Variants in CSMD1 observed in about 807,000 individuals in gnomAD.
The protein encoded by CSMD1 is CUB and sushi domain-containing protein 1.
In CSMD1, 213 loss-of-function variants were observed where a neutral mutation model predicts 417.5. That is an observed-to-expected ratio of 0.51 (90% CI 0.46 to 0.57). The LOEUF (loss-of-function observed/expected upper bound fraction) is 0.57, where lower values mean the gene tolerates loss of function less well. Among genes scored for constraint, CSMD1 ranks in the 20% least tolerant of loss-of-function variants. The probability of loss-of-function intolerance (pLI) is 0.00; values close to 1 mark genes in which losing one functional copy is unlikely to be tolerated. For synonymous variants in CSMD1, 2,862 were observed against 1,736.8 expected (o/e 1.65, Z -16.11); for missense variants, 6,923 against 4,529.7 (o/e 1.53, Z -15.17).
At chr8:3,137,926 A>G (rs1036152697) in intron 41 of CSMD1, among the ~76,000 whole-genome samples, 3 of 152,192 alleles carry the variant, frequency 2.0e-5, no homozygotes, top group African/African-American at 7.2e-5. Context: ...TTTATATGGC[A>G]TTAACAACAA....
rs549760700 is a variant in CSMD1 at position 3,335,484 on chromosome 8, C to A, written c.3631+7810G>T. ...TCTGAGGTCGGGAGATCGAGACCAG[C>A]CTGACCAACATAGAGAAACTCCGTC... On this transcript the variant is annotated intron_variant, in intron 23 of 69. Transcript: ENST00000635120. 2.6e-5 allele frequency among the ~76,000 whole-genome samples: 4 copies of A among 152,264 alleles called. No individual in the cohort carries two copies. The South Asian group carries it at 6.2e-4, about 24-fold the overall frequency.
intron 3 of CSMD1, among the ~76,000 whole-genome samples, chr8:4,290,969 T>C (rs1349194770): frequency 6.6e-6 from 1 of 152,148 alleles, no homozygotes; most frequent in Non-Finnish European, 1.5e-5. Flanking sequence ...AGGGGCAAAA[T>C]TTCATCTCCC....
intron 5 of CSMD1, among the ~76,000 whole-genome samples, chr8:3,796,859 T>C (rs563466966): frequency 1.3e-5 from 2 of 151,768 alleles, no homozygotes; most frequent in Admixed American, 1.3e-4. Flanking sequence ...AACATTTCAT[T>C]CTATTGTTTC....
intron 3 of CSMD1, among the ~76,000 whole-genome samples, chr8:4,416,654 G>C (rs561692219): frequency 1.2e-4 from 18 of 152,134 alleles, no homozygotes; most frequent in East Asian, 3.9e-4. Context: ...ACATCAGAGA[G>C]AGAGGCTCTT....
chr8:3,244,644 C>T (rs889741598), intron 26 of CSMD1, among the ~76,000 whole-genome samples: 4 of 152,184 alleles, frequency 2.6e-5, no homozygotes, highest in African/African-American at 9.7e-5. Context: ...ATTTTGGGGG[C>T]AGCTTTGATT....
chr8:3,810,170 G>C (rs535860239), intron 5 of CSMD1, among the ~76,000 whole-genome samples: 1 of 152,160 alleles, frequency 6.6e-6, no homozygotes, highest in African/African-American at 2.4e-5. Context: ...CAGGCATATA[G>C]CAGGTGCTCC....
intron 7 of CSMD1, among the ~76,000 whole-genome samples, chr8:3,631,496 G>C (rs979301546): frequency 6.6e-6 from 1 of 152,202 alleles, no homozygotes; most frequent in Non-Finnish European, 1.5e-5. Flanking sequence ...CAGGCAGATA[G>C]GCCGGGAATA....
At chr8:3,713,745 T>C (rs1406430753) in intron 6 of CSMD1, among the ~76,000 whole-genome samples, 3 of 152,232 alleles carry the variant, frequency 2.0e-5, no homozygotes, top group African/African-American at 7.2e-5. Context: ...TATGAGGAGA[T>C]GCCATTGCAA....
chr8:4,696,603 A>G (rs1054370357), intron 1 of CSMD1, among the ~76,000 whole-genome samples: 1 of 152,210 alleles, frequency 6.6e-6, no homozygotes, highest in Admixed American at 6.5e-5. Flanking sequence ...CGTATTACCC[A>G]GATTTATTAT....
chr8:3,538,434 TCACCTGAGATGATG>T (rs1798295702), intron 10 of CSMD1, among the ~76,000 whole-genome samples: 1 of 152,022 alleles, frequency 6.6e-6, no homozygotes, highest in Non-Finnish European at 1.5e-5. Context: ...TTGAGATGCC[TCACCTGAGATGATG>T]CACCTGAGAT....
chr8:3,012,460 C>T (rs925005825), intron 52 of CSMD1, among the ~76,000 whole-genome samples: 3 of 152,122 alleles, frequency 2.0e-5, no homozygotes, highest in Non-Finnish European at 4.4e-5. Flanking sequence ...AACTAGCATG[C>T]CAGCAGTATG....
At chr8:4,973,548 G>A (rs1275925108) in intron 1 of CSMD1, among the ~76,000 whole-genome samples, 2 of 152,124 alleles carry the variant, frequency 1.3e-5, no homozygotes, top group Non-Finnish European at 2.9e-5. Flanking sequence ...TCAGCTTAAT[G>A]TAGTAAAGAC....
rs991638643 is a variant in CSMD1 at position 4,620,442 on chromosome 8, A to T, written c.302+16900T>A. ...ACCAGAGTCTAAAATTTGCTAAATA[A>T]TCATAGATAACGCTTTCTTCTACTT... On this transcript the variant is annotated intron_variant, in intron 2 of 69. Coordinates refer to ENST00000635120, the MANE Select transcript of CSMD1 (RefSeq NM_033225.6). Among the ~76,000 whole-genome samples, 12 of 151,632 alleles carry T rather than the reference A, an allele frequency of 7.9e-5. 1 individual carries two copies. The highest frequency in any genetic ancestry group is 2.9e-4 in the African/African-American group (12 of 41,422).
intron 5 of CSMD1, among the ~76,000 whole-genome samples, chr8:3,810,907 G>A (rs1255775531): frequency 6.6e-6 from 1 of 152,120 alleles, no homozygotes; most frequent in African/African-American, 2.4e-5. Flanking sequence ...GTTGAGAAAA[G>A]TGCTTCCTCA....
chr8:3,482,494 C>G (rs902325657), intron 11 of CSMD1, among the ~76,000 whole-genome samples: 4 of 152,084 alleles, frequency 2.6e-5, no homozygotes, highest in Non-Finnish European at 5.9e-5. Context: ...TGTGTACAAA[C>G]CAAATATCAG....
chr8:3,879,329 T>G (rs955581359), intron 5 of CSMD1, among the ~76,000 whole-genome samples: 1 of 140,410 alleles, frequency 7.1e-6, no homozygotes, highest in African/African-American at 3.0e-5. Context: ...TCTAAATCAT[T>G]ACAAGATTAT....
chr8:4,096,203 G>A (rs1012264084), intron 3 of CSMD1, among the ~76,000 whole-genome samples: 2 of 152,086 alleles, frequency 1.3e-5, no homozygotes, highest in Admixed American at 6.6e-5. Context: ...CCACTGAGAT[G>A]AAACTCTTAA....
chr8:3,315,875 TA>T lies in CSMD1; in HGVS notation c.3632-7373del, dbSNP rs1243224167. Among the ~76,000 whole-genome samples, 30 of 152,348 alleles carry T rather than the reference TA, an allele frequency of 2.0e-4. 1 individual carries two copies. In the East Asian group the frequency reaches 5.4e-3, roughly 27 times the overall value. ...TTAATGAGTCAATCTTGAAACATTT[TA>T]TAATTTTAAATACATTACATTAATC... On this transcript the variant is annotated intron_variant, in intron 23 of 69. Transcript: ENST00000635120.
intron 3 of CSMD1, among the ~76,000 whole-genome samples, chr8:4,373,843 T>C (rs913241302): frequency 1.1e-4 from 17 of 152,178 alleles, no homozygotes; most frequent in African/African-American, 2.7e-4. Context: ...AAGGAGCTTT[T>C]CTATGTATAT....
Sources: gnomAD v4.1 joint callset for allele counts (sites outside exome capture counted in the v4.1 genomes callset) on GRCh38, gnomAD v4.1.1 for gene constraint, MANE v1.5 for transcripts, NCBI Gene and HGNC (gene_info 2026-07-23, HGNC 2026-07-21) for gene names.